DLC1: variants seen among roughly 807,000 people sequenced by gnomAD.
DLC1 encodes rho GTPase-activating protein 7.
DLC1 carries 54 observed loss-of-function variants against 140.3 expected under a neutral mutation model. The ratio of observed to expected loss-of-function variants is 0.38; its 90% confidence interval spans 0.31 to 0.48. The LOEUF is 0.48. Ranked by LOEUF, DLC1 falls within the 20% of genes least tolerant of loss-of-function variation. The pLI is 0.96. For missense variants in DLC1, 2,536 were observed against 1,907.0 expected (o/e 1.33, Z -6.14); for synonymous variants, 986 against 728.1 (o/e 1.35, Z -5.70).
rs1294535712 is a variant in DLC1, at chr8:13,499,820, A to T, written c.252T>A (p.Asp84Glu). 2 of 1,614,076 alleles carry T rather than the reference A, an allele frequency of 1.2e-6. No homozygotes were observed. The highest frequency in any genetic ancestry group is 1.6e-4 in the Middle Eastern group (1 of 6,062). ...CTTCATGGCTGTCATTTTCGTCCAC[A>T]TCCTTTGAAAGATGACCCATTGGCC... ...PGRPMGHLSK[D>E]VDENDSHEGE... The change falls in exon 2 of 18, where the codon GAT becomes GAA. Residue 84 changes from aspartate (D) to glutamate (E), a missense_variant. By Grantham distance (45) the Asp-to-Glu change is conservative. Coordinates refer to ENST00000276297, the MANE Select transcript of DLC1 (RefSeq NM_182643.3).
At chr8:13,148,639 C>A (rs1455829796) in intron 5 of DLC1, among the ~76,000 whole-genome samples, 1 of 152,030 alleles carries the variant, frequency 6.6e-6, no homozygotes, top group Non-Finnish European at 1.5e-5. Flanking sequence ...TTGGTAACAT[C>A]TGCAGGCTTG....
chr8:13,580,494 C>G (rs1420798852), intron 1 of DLC1, among the ~76,000 whole-genome samples: 16 of 152,124 alleles, frequency 1.1e-4, no homozygotes, highest in Admixed American at 1.0e-3. Flanking sequence ...GAAGGGGGCA[C>G]AGACAGTTAG....
intron 3 of DLC1, among the ~76,000 whole-genome samples, chr8:13,397,490 A>T (rs113497847): frequency 1.3e-5 from 2 of 152,214 alleles, no homozygotes; most frequent in African/African-American, 4.8e-5. Context: ...TTTGTCAGAC[A>T]AGAGAAGGAG....
chr8:13,100,842 G>A, intron 8 of DLC1, 72 bp from the exon 9 acceptor site: 3 of 1,454,984 alleles, frequency 2.1e-6, no homozygotes, highest in Non-Finnish European at 2.7e-6. Context: ...TGAGCAGGAG[G>A]CTGCTCATAA....
intron 1 of DLC1, among the ~76,000 whole-genome samples, chr8:13,603,602 C>T (rs1454353090): frequency 6.6e-6 from 1 of 152,056 alleles, no homozygotes; most frequent in Non-Finnish European, 1.5e-5. Flanking sequence ...TCGCTCTCTA[C>T]ATCATAGTGG....
intron 5 of DLC1, among the ~76,000 whole-genome samples, chr8:13,175,028 CA>C (rs34083230): frequency 0.44 from 66,732 of 151,886 alleles, 15,427 homozygotes; most frequent in East Asian, 0.84. Flanking sequence ...AATCCATCTT[CA>C]GTTAATTTTT....
At chr8:13,579,060 A>G (rs1804948743) in intron 1 of DLC1, among the ~76,000 whole-genome samples, 1 of 151,244 alleles carries the variant, frequency 6.6e-6, no homozygotes, top group Non-Finnish European at 1.5e-5. Flanking sequence ...AGAGACTCCT[A>G]TTGCCTAGGA....
intron 5 of DLC1, among the ~76,000 whole-genome samples, chr8:13,198,015 A>C (rs1000987179): frequency 6.6e-6 from 1 of 152,098 alleles, no homozygotes; most frequent in African/African-American, 2.4e-5. Context: ...GGAAGGCAGA[A>C]ACCGGCTGAT....
chr8:13,498,659 C>T (rs539649795), intron 2 of DLC1, among the ~76,000 whole-genome samples: 14 of 152,044 alleles, frequency 9.2e-5, no homozygotes, highest in African/African-American at 2.7e-4. Context: ...AAGAAATATG[C>T]CCAAATAAAT....
intron 5 of DLC1, chr8:13,304,626 C>A (rs1009760295): frequency 1.1e-6 from 1 of 890,702 alleles, no homozygotes; most frequent in Non-Finnish European, 1.3e-6. Flanking sequence ...GATAATATAC[C>A]TTTAATCTGT....
At chr8:13,563,570 C>T (rs1201781571) in intron 1 of DLC1, among the ~76,000 whole-genome samples, 1 of 152,078 alleles carries the variant, frequency 6.6e-6, no homozygotes, top group Non-Finnish European at 1.5e-5. Context: ...ATTCACAGAA[C>T]CTTGCACAGT....
At chr8:13,396,613 G>A (rs761711910) in intron 3 of DLC1, among the ~76,000 whole-genome samples, 5 of 152,108 alleles carry the variant, frequency 3.3e-5, no homozygotes, top group Admixed American at 1.3e-4. Context: ...GACCAAAGTC[G>A]TATCCCAAGG....
intron 2 of DLC1, among the ~76,000 whole-genome samples, chr8:13,453,949 T>C (rs1464884503): frequency 6.6e-6 from 1 of 152,128 alleles, no homozygotes; most frequent in Non-Finnish European, 1.5e-5. Flanking sequence ...GAGAATATAC[T>C]GTGAAACCTT....
At chr8:13,120,356 A>AAAAAAAAAAATATAT in intron 5 of DLC1, among the ~76,000 whole-genome samples, 5 of 61,120 alleles carry the variant, frequency 8.2e-5, no homozygotes, top group African/African-American at 1.7e-4. Context: ...AAAAAAAAAA[A>AAAAAAAAAAATATAT]ATATATATAT....
chr8:13,512,252 C>G (rs917014540), intron 1 of DLC1, among the ~76,000 whole-genome samples: 1 of 151,956 alleles, frequency 6.6e-6, no homozygotes, highest in Non-Finnish European at 1.5e-5. Context: ...AAAAAAGTAT[C>G]GTGACACATT....
intron 5 of DLC1, among the ~76,000 whole-genome samples, chr8:13,175,251 G>T (rs527244695): frequency 5.7e-4 from 86 of 149,934 alleles, no homozygotes; most frequent in African/African-American, 2.0e-3. Flanking sequence ...TGTGGTTTTG[G>T]CTACTGTAGC....
At chr8:13,169,791 A>G (rs1471181297) in intron 5 of DLC1, among the ~76,000 whole-genome samples, 1 of 152,062 alleles carries the variant, frequency 6.6e-6, no homozygotes, top group Non-Finnish European at 1.5e-5. Context: ...TGGGAGGCCA[A>G]GGTGGGGGGG....
chr8:13,420,073 T>A (rs1222989621), intron 2 of DLC1, among the ~76,000 whole-genome samples: 1 of 152,178 alleles, frequency 6.6e-6, no homozygotes, highest in Non-Finnish European at 1.5e-5. Context: ...CCTTTATCAT[T>A]TTTTATTGCG....
At chr8:13,569,104 A>G (rs754004804) in intron 1 of DLC1, among the ~76,000 whole-genome samples, 2 of 152,208 alleles carry the variant, frequency 1.3e-5, no homozygotes, top group African/African-American at 4.8e-5. Flanking sequence ...AAGGAATACC[A>G]TGGCATTTTG....
Sources: gnomAD v4.1 joint callset for allele counts (sites outside exome capture counted in the v4.1 genomes callset) on GRCh38, gnomAD v4.1.1 for gene constraint, MANE v1.5 for transcripts, NCBI Gene and HGNC (gene_info 2026-07-23, HGNC 2026-07-21) for gene names.